ZNF652: variants seen among roughly 807,000 people sequenced by gnomAD.
ZNF652 encodes zinc finger protein 652.
In ZNF652, 16 loss-of-function variants were observed where a neutral mutation model predicts 45.2. That is an observed-to-expected ratio of 0.35 (90% CI 0.24 to 0.54). The LOEUF (loss-of-function observed/expected upper bound fraction) is 0.54. ZNF652 is among the 20% of genes least tolerant of loss of function. ZNF652 has a pLI of 0.91. For missense variants in ZNF652, 614 were observed against 765.6 expected (o/e 0.80, Z 2.34); for synonymous variants, 250 against 260.6 (o/e 0.96, Z 0.39).
intron 1 of ZNF652, among the ~76,000 whole-genome samples, chr17:49,330,744 ATTAACT>A (rs1308758347): frequency 1.3e-5 from 2 of 151,876 alleles, no homozygotes; most frequent in Admixed American, 1.3e-4. Context: ...TATCCTGCCT[ATTAACT>A]TTATTAAAAA....
At chr17:49,327,769 ATATATATATATT>A (rs1362087424) in intron 1 of ZNF652, among the ~76,000 whole-genome samples, 10 of 4,562 alleles carry the variant, frequency 2.2e-3, no homozygotes, top group African/African-American at 0.01. Flanking sequence ...ATATATATAT[ATATATATATATT>A]TTTTTTTTTT....
At position 49,320,356 on chromosome 17, in the gene ZNF652, G is replaced by A. The variant is rs555815839; in HGVS notation, c.-258-2373C>T. Among the ~76,000 whole-genome samples, 77 of 152,222 alleles carry A rather than the reference G, an allele frequency of 5.1e-4. 1 individual carries two copies. Among genetic ancestry groups the A allele is most frequent in the Non-Finnish European group, 1.9e-4 (13 of 68,026 alleles). ...TGCTACCATGTTTTACTTGACATTT[G>A]AATAGATATATTCCTACTTTCTTGT... is the stretch of plus-strand genomic sequence containing the variant. On this transcript the variant is annotated intron_variant, in intron 1 of 5. Transcript: ENST00000430262.
At chr17:49,347,086 A>G (rs1482589148) in intron 1 of ZNF652, among the ~76,000 whole-genome samples, 6 of 152,206 alleles carry the variant, frequency 3.9e-5, no homozygotes, top group Admixed American at 3.9e-4. Flanking sequence ...AACACACCAA[A>G]TATGCTTAAA....
rs758536700 is a variant in ZNF652, at chr17:49,317,493, T to G, written c.233A>C (p.Gln78Pro). 2.5e-6 allele frequency: 4 copies of G among 1,614,074 alleles called. No homozygotes were observed. In the African/African-American group the frequency reaches 5.3e-5, roughly 22 times the overall value. ...TGCTCTTGTCTCCCTGAAATATGGC[T>G]GTTCTTCTGTTTCATGGAGATGCGG... ...SKPHLHETEEQPYFRETRAVS... is the reference protein window; with the variant it reads ...SKPHLHETEEPPYFRETRAVS... The change falls in exon 2 of 6, where the codon CAG (glutamine) becomes CCG (proline). Residue 78 changes from glutamine (Q) to proline (P), a missense_variant. Physicochemically the swap from Gln to Pro is moderately conservative, Grantham distance 76. Coordinates refer to ENST00000430262, the MANE Select transcript of ZNF652 (RefSeq NM_001145365.3).
chr17:49,329,201 A>G (rs1487874856), intron 1 of ZNF652, among the ~76,000 whole-genome samples: 1 of 152,210 alleles, frequency 6.6e-6, no homozygotes, highest in Non-Finnish European at 1.5e-5. Context: ...TTAACAAACT[A>G]AAGACTCAAA....
In ZNF652 at chr17:49,333,446, A is replaced by C. The variant is rs551592248; in HGVS notation, c.-258-15463T>G. On this transcript the variant is annotated intron_variant, in intron 1 of 5. Transcript: ENST00000430262. ...ACAAATGGGCCAGGCGTGGTGGCTC[A>C]CACCTGTAATCCCAGCACTTTGGGA... is the stretch of plus-strand genomic sequence containing the variant. Among the ~76,000 whole-genome samples the C allele has an allele frequency of 1.2e-4, 18 of 148,876 alleles. 1 individual carries two copies. The South Asian group carries it at 3.9e-3, about 32-fold the overall frequency.
intron 1 of ZNF652, among the ~76,000 whole-genome samples, chr17:49,353,554 C>A (rs1471884301): frequency 6.6e-6 from 1 of 152,086 alleles, no homozygotes; most frequent in Non-Finnish European, 1.5e-5. Flanking sequence ...TTACTACAAC[C>A]TCCACCTCCT....
chr17:49,324,182 G>A (rs2069929765), intron 1 of ZNF652, among the ~76,000 whole-genome samples: 2 of 152,206 alleles, frequency 1.3e-5, no homozygotes, highest in Non-Finnish European at 2.9e-5. Flanking sequence ...ACGTTATGGA[G>A]ATAGCTTCTT....
intron 2 of ZNF652, among the ~76,000 whole-genome samples, chr17:49,313,106 G>T (rs1270068092): frequency 1.3e-5 from 2 of 152,124 alleles, no homozygotes; most frequent in African/African-American, 2.4e-5. Context: ...TAACATCAAA[G>T]AATTCACTGC....
chr17:49,308,121 A>G (rs193057924), intron 5 of ZNF652, among the ~76,000 whole-genome samples: 25 of 152,030 alleles, frequency 1.6e-4, no homozygotes, highest in Non-Finnish European at 2.2e-4. Context: ...GTATGATTTT[A>G]CTTTGTTTGC....
intron 2 of ZNF652, among the ~76,000 whole-genome samples, chr17:49,314,837 GGACA>G (rs2069776244): frequency 6.6e-6 from 1 of 152,064 alleles, no homozygotes; most frequent in African/African-American, 2.4e-5. Context: ...CTCTAGAAAA[GGACA>G]GACTACTACT....
intron 1 of ZNF652, among the ~76,000 whole-genome samples, chr17:49,347,740 G>GT (rs1181401090): frequency 0.01 from 827 of 81,106 alleles, 8 homozygotes; most frequent in Non-Finnish European, 0.015. Flanking sequence ...CCTTGGTTTT[G>GT]TTTTTTTTTT....
chr17:49,351,012 TATACACACACACACAC>T lies in ZNF652; in HGVS notation c.-259+10881_-259+10896del, dbSNP rs1229983960. ...ATATATATATATATATATATATATATATACACACACACACACACACACACACACACACACACACACA... is the reference window on the plus strand; with the variant it reads ...ATATATATATATATATATATATATATACACACACACACACACACACACACA... On this transcript the variant is annotated intron_variant, in intron 1 of 5. Coordinates refer to ENST00000430262, the MANE Select transcript of ZNF652 (RefSeq NM_001145365.3). Among the ~76,000 whole-genome samples the T allele has an allele frequency of 9.9e-4, 20 of 20,288 alleles. 1 individual carries two copies. The highest frequency in any genetic ancestry group is 6.8e-3 in the East Asian group (4 of 588). 13.3% of individuals were successfully genotyped at this position (20,288 alleles called of 152,430 possible).
intron 1 of ZNF652, among the ~76,000 whole-genome samples, chr17:49,318,580 ATAAAATAATATT>A (rs1447154342): frequency 1.3e-5 from 2 of 152,350 alleles, no homozygotes; most frequent in Non-Finnish European, 2.9e-5. Context: ...TATTTGATGA[ATAAAATAATATT>A]GCACAGCATT....
chr17:49,356,515 G>A (rs1053265789), intron 1 of ZNF652, among the ~76,000 whole-genome samples: 7 of 145,346 alleles, frequency 4.8e-5, no homozygotes, highest in South Asian at 2.2e-4. Flanking sequence ...TTAGCAAAAC[G>A]TATGACAGTA....
chr17:49,339,890 C>T (rs1465601609), intron 1 of ZNF652, among the ~76,000 whole-genome samples: 1 of 152,206 alleles, frequency 6.6e-6, no homozygotes, highest in Non-Finnish European at 1.5e-5. Context: ...CATGCCACCA[C>T]GCCCAGCTAG....
At chr17:49,349,414 A>G (rs536160590) in intron 1 of ZNF652, among the ~76,000 whole-genome samples, 1 of 152,150 alleles carries the variant, frequency 6.6e-6, no homozygotes, top group South Asian at 2.1e-4. Flanking sequence ...AGAAAAAAAA[A>G]CAACAAAACA....
intron 1 of ZNF652, among the ~76,000 whole-genome samples, chr17:49,319,307 C>T (rs1179987421): frequency 6.6e-6 from 1 of 151,958 alleles, no homozygotes; most frequent in East Asian, 1.9e-4. Context: ...TTAATACCCA[C>T]CACAAAACTG....
intron 1 of ZNF652, among the ~76,000 whole-genome samples, chr17:49,319,564 C>T (rs896897015): frequency 3.0e-5 from 4 of 133,798 alleles, no homozygotes; most frequent in African/African-American, 5.6e-5. Flanking sequence ...ACCCAGGAGG[C>T]GGAGATTGTA....
Sources: allele counts gnomAD v4.1 joint callset (sites outside exome capture counted in the v4.1 genomes callset), GRCh38; gene constraint gnomAD v4.1.1; transcripts MANE v1.5; gene names NCBI Gene and HGNC (gene_info 2026-07-23, HGNC 2026-07-21).